SSUH2: variants seen among roughly 807,000 people sequenced by gnomAD.
SSUH2 encodes protein SSUH2 homolog.
SSUH2 carries 47 observed loss-of-function variants against 55.3 expected under a neutral mutation model. That is an observed-to-expected ratio of 0.85 (90% CI 0.67 to 1.08). The LOEUF (loss-of-function observed/expected upper bound fraction) is 1.08. Ranked by LOEUF, SSUH2 falls within the 50% of genes least tolerant of loss-of-function variation. The probability of loss-of-function intolerance (pLI) is 0.00; values close to 1 mark genes in which losing one functional copy is unlikely to be tolerated. For missense variants in SSUH2, 535 were observed against 490.7 expected (o/e 1.09, Z -0.85); for synonymous variants, 212 against 191.5 (o/e 1.11, Z -0.89).
At position 8,637,014 on chromosome 3, in the gene SSUH2, A is replaced by G. The variant is rs537312246; in HGVS notation, c.29-1157T>C. Among the ~76,000 whole-genome samples the G allele has an allele frequency of 3.5e-4, 54 of 152,246 alleles. 1 individual carries two copies. In the South Asian group the frequency reaches 0.01, roughly 29 times the overall value. ...CAACTTAGGATGTTTGGACTTATTG[A>G]TTTTTCTACTTTATGATGGTACAAA... is the stretch of plus-strand genomic sequence containing the variant. On this transcript the variant is annotated intron_variant, in intron 1 of 11. Transcript: ENST00000544814.
At chr3:8,634,586 C>A in intron 3 of SSUH2, 1 of 1,289,802 alleles carries the variant, frequency 7.8e-7, no homozygotes, top group Middle Eastern at 2.1e-4. Flanking sequence ...GATGGCAGCA[C>A]AAGAGACACT....
chr3:8,643,220 T>C (rs164957), intron 1 of SSUH2, among the ~76,000 whole-genome samples: 18,293 of 152,178 alleles, frequency 0.12, 1,244 homozygotes, highest in South Asian at 0.16. Context: ...TGATCAATCC[T>C]GCAAGATGAC....
chr3:8,635,197 G>A (rs1018983433), intron 3 of SSUH2, 103 bp downstream of exon 3: 36 of 941,850 alleles, frequency 3.8e-5, no homozygotes, highest in Middle Eastern at 4.5e-4. Flanking sequence ...GGGTGCAGAC[G>A]GCCCCCTCCA....
chr3:8,675,147 C>G (rs1173572381), intron 3 of SSUH2, among the ~76,000 whole-genome samples: 1 of 152,178 alleles, frequency 6.6e-6, no homozygotes, highest in East Asian at 1.9e-4. Flanking sequence ...CTAACCCGTC[C>G]ACATTGTTGG....
At chr3:8,661,321 C>T (rs977307629) in intron 6 of SSUH2, among the ~76,000 whole-genome samples, 2 of 152,192 alleles carry the variant, frequency 1.3e-5, no homozygotes, top group African/African-American at 2.4e-5. Context: ...ACTGTCTTTT[C>T]CTTAACTGCT....
chr3:8,644,582 G>A, intron 1 of SSUH2, 149 bp downstream of exon 1: 1 of 735,312 alleles, frequency 1.4e-6, no homozygotes, highest in East Asian at 2.7e-5. Flanking sequence ...GCAGATGGAA[G>A]AGTTCACACA....
chr3:8,650,180 AC>A (rs1702233898), intron 7 of SSUH2, among the ~76,000 whole-genome samples: 1 of 151,750 alleles, frequency 6.6e-6, no homozygotes, highest in Non-Finnish European at 1.5e-5. Context: ...AAAATTGAAC[AC>A]CCTGCCGCCA....
At chr3:8,627,898 C>A (rs1199317856) in intron 7 of SSUH2, 115 bp from the exon 8 acceptor site, 2 of 766,182 alleles carry the variant, frequency 2.6e-6, no homozygotes, top group African/African-American at 1.8e-5. Context: ...TGGGCCTTAG[C>A]CCCTTCATCT....
Position 8,679,248 on chromosome 3 carries a change from C to T in SSUH2, c.-901+457G>A, listed in dbSNP as rs1282936974. 1.9e-5 allele frequency among the ~76,000 whole-genome samples: 2 copies of T among 103,362 alleles called. 1 individual carries two copies. The highest frequency in any genetic ancestry group is 4.2e-5 in the Non-Finnish European group (2 of 47,932). The allele number at this position is 103,362 out of a possible 152,430, so 67.8% of individuals were successfully genotyped here. ...TCCGTGAGCGGGGACTGAGAGCCAG[C>T]CAATTTTCCCCCTGGCTTTTAGGAC... On this transcript the variant is annotated intron_variant, in intron 2 of 18. Coordinates refer to the SSUH2 transcript ENST00000317371.
At chr3:8,671,786 C>G (rs983117388) in intron 4 of SSUH2, 1 of 151,474 alleles carries the variant, frequency 6.6e-6, no homozygotes, top group African/African-American at 2.4e-5. Flanking sequence ...AGGAAAAATC[C>G]GGGAGTAATA....
chr3:8,677,579 T>A lies in SSUH2; in HGVS notation c.-900-226A>T, dbSNP rs376765868. 1.2e-4 allele frequency among the ~76,000 whole-genome samples: 18 copies of A among 150,974 alleles called. 2 individuals carry two copies. The East Asian group carries it at 3.3e-3, about 28-fold the overall frequency. On this transcript the variant is annotated intron_variant, in intron 2 of 18. Coordinates refer to the SSUH2 transcript ENST00000317371. ...GGCTACCCGATCTGACACAGCCTTT[T>A]CCATTGTATGCATCAGAGAGAGAAA...
At chr3:8,621,227 C>A (rs1377785045) in intron 11 of SSUH2, among the ~76,000 whole-genome samples, 6 of 152,158 alleles carry the variant, frequency 3.9e-5, no homozygotes, top group African/African-American at 1.2e-4. Flanking sequence ...ATGTGGGGAC[C>A]CAAACCCAGG....
Position 8,625,266 on chromosome 3 carries a change from G to A in SSUH2, c.873+276C>T, listed in dbSNP as rs1003052513. On this transcript the variant is annotated intron_variant, in intron 10 of 11. Transcript: ENST00000544814. ...GGGATGAGGAAGGAAGGAAAAGAGCGAGGAAGAAGGGAGGGAGGGAAAGAG... is the reference window on the plus strand; with the variant it reads ...GGGATGAGGAAGGAAGGAAAAGAGCAAGGAAGAAGGGAGGGAGGGAAAGAG... 3.9e-5 allele frequency among the ~76,000 whole-genome samples: 6 copies of A among 152,104 alleles called. No individual in the cohort carries two copies. The South Asian group carries it at 8.3e-4, about 21-fold the overall frequency.
chr3:8,622,087 C>T (rs1250816228), intron 11 of SSUH2, among the ~76,000 whole-genome samples: 1 of 152,142 alleles, frequency 6.6e-6, no homozygotes, highest in Non-Finnish European at 1.5e-5. Flanking sequence ...TAAGCAGATT[C>T]CAGGTCTCAG....
intron 11 of SSUH2, among the ~76,000 whole-genome samples, chr3:8,620,725 A>C (rs1696257441): frequency 6.6e-6 from 1 of 152,088 alleles, no homozygotes; most frequent in Non-Finnish European, 1.5e-5. Flanking sequence ...ATTAATTTTT[A>C]GATGGAGTGC....
intron 1 of SSUH2, among the ~76,000 whole-genome samples, chr3:8,681,490 C>A (rs1328133007): frequency 6.7e-6 from 1 of 148,936 alleles, no homozygotes; most frequent in East Asian, 2.1e-4. Context: ...GGGAGGCAGC[C>A]CCCACGAGGC....
At chr3:8,679,524 G>C (rs1033451810) in intron 2 of SSUH2, among the ~76,000 whole-genome samples, 1 of 145,610 alleles carries the variant, frequency 6.9e-6, no homozygotes, top group Non-Finnish European at 1.5e-5. Flanking sequence ...CTCATCGCAG[G>C]TAGGGGAGGC....
intron 10 of SSUH2, 99 bp from the exon 11 acceptor site, chr3:8,623,755 G>C: frequency 1.6e-6 from 1 of 617,816 alleles, no homozygotes; most frequent in Non-Finnish European, 2.9e-6. Context: ...GCCAGACAGA[G>C]AAGGGGGCTG....
At chr3:8,621,104 A>G (rs1696339478) in intron 11 of SSUH2, among the ~76,000 whole-genome samples, 1 of 152,194 alleles carries the variant, frequency 6.6e-6, no homozygotes, top group Non-Finnish European at 1.5e-5. Flanking sequence ...TGACATAAGA[A>G]TGTTGCTCCT....
Sources: gnomAD v4.1 joint callset for allele counts (sites outside exome capture counted in the v4.1 genomes callset) on GRCh38, gnomAD v4.1.1 for gene constraint, MANE v1.5 for transcripts, NCBI Gene and HGNC (gene_info 2026-07-23, HGNC 2026-07-21) for gene names.